NKAIN3: variants seen among roughly 807,000 people sequenced by gnomAD.
The protein encoded by NKAIN3 is sodium/potassium transporting ATPase interacting 3.
Under a neutral mutation model 30.2 loss-of-function variants are expected in NKAIN3, and 25 were observed. The ratio of observed to expected loss-of-function variants is 0.83; its 90% confidence interval spans 0.60 to 1.16. The LOEUF is 1.16. Ranked by LOEUF, NKAIN3 falls within the 50% of genes most tolerant of loss-of-function variation. The probability of loss-of-function intolerance (pLI) is 0.00; values close to 1 mark genes in which losing one functional copy is unlikely to be tolerated. For missense variants in NKAIN3, 225 were observed against 254.1 expected (o/e 0.89, Z 0.78); for synonymous variants, 91 against 89.6 (o/e 1.02, Z -0.09).
intron 4 of NKAIN3, among the ~76,000 whole-genome samples, chr8:62,881,440 T>C (rs1820978799): frequency 6.6e-6 from 1 of 152,172 alleles, no homozygotes; most frequent in South Asian, 2.1e-4. Context: ...GTTTCCTCCA[T>C]GTCTTTTTAC....
intron 1 of NKAIN3, among the ~76,000 whole-genome samples, chr8:62,392,457 A>C (rs1403428718): frequency 6.6e-6 from 1 of 151,986 alleles, no homozygotes; most frequent in African/African-American, 2.4e-5. Context: ...AAGTTGAAAT[A>C]TTGAAATTTT....
At chr8:62,578,033 C>T (rs879277085) in intron 1 of NKAIN3, among the ~76,000 whole-genome samples, 4 of 152,020 alleles carry the variant, frequency 2.6e-5, no homozygotes, top group African/African-American at 7.2e-5. Context: ...CCCAGGGAGC[C>T]ATTTTCATTT....
chr8:62,984,663 G>A lies in NKAIN3; in HGVS notation c.*19256G>A, dbSNP rs1016480929. 1 of 152,110 alleles carries A rather than the reference G, an allele frequency of 6.6e-6. No homozygotes were observed. The highest frequency in any genetic ancestry group is 2.4e-5 in the African/African-American group (1 of 41,422). The allele number at this position is 152,110 out of a possible 1,614,324, so 9.4% of individuals were successfully genotyped here. A position where few individuals can be genotyped will look rare whatever the true frequency, so the allele number is the denominator to read the frequency against. ...GTTGGTAGCCTGTGAAAAAATAAAT[G>A]TCTTTTTTCTTATACAAACTGATAA... On this transcript the variant is annotated 3_prime_UTR_variant, in exon 7 of 7. Transcript: ENST00000623646.
At chr8:62,339,029 C>T (rs1381820815) in intron 1 of NKAIN3, among the ~76,000 whole-genome samples, 2 of 151,988 alleles carry the variant, frequency 1.3e-5, no homozygotes, top group Non-Finnish European at 1.5e-5. Context: ...CAGAGAGAGG[C>T]TCTCTGCTCT....
chr8:62,722,481 G>A (rs1181264279), intron 3 of NKAIN3, among the ~76,000 whole-genome samples: 2 of 152,128 alleles, frequency 1.3e-5, no homozygotes, highest in Non-Finnish European at 2.9e-5. Context: ...TCATGATTTA[G>A]ATAAGTCCTT....
chr8:62,925,440 G>A (rs748899579), intron 5 of NKAIN3, among the ~76,000 whole-genome samples: 1 of 152,112 alleles, frequency 6.6e-6, no homozygotes, highest in African/African-American at 2.4e-5. Flanking sequence ...CAATTTTCCA[G>A]AGCAAAAGCA....
At position 62,904,984 on chromosome 8, in the gene NKAIN3, G is replaced by A. The variant is rs550922429; in HGVS notation, c.472-13469G>A. Among the ~76,000 whole-genome samples the A allele has an allele frequency of 2.6e-5, 4 of 152,252 alleles. No homozygotes were observed. In the East Asian group the frequency reaches 7.7e-4, roughly 29 times the overall value. Reference sequence around the variant, plus strand: ...ACACGATCTTTGCATCAGGTCTCTCGGAGGGTAGTTCCTGCCTTCCAGGAC... The same window carrying A: ...ACACGATCTTTGCATCAGGTCTCTCAGAGGGTAGTTCCTGCCTTCCAGGAC... On this transcript the variant is annotated intron_variant, in intron 4 of 6. Coordinates refer to ENST00000623646, the MANE Select transcript of NKAIN3 (RefSeq NM_001304533.3).
intron 4 of NKAIN3, among the ~76,000 whole-genome samples, chr8:62,906,102 C>T (rs1240637930): frequency 2.6e-5 from 4 of 152,142 alleles, no homozygotes; most frequent in Non-Finnish European, 4.4e-5. Context: ...TGCGAGCATC[C>T]ATCAAGGCCC....
intron 1 of NKAIN3, among the ~76,000 whole-genome samples, chr8:62,339,031 C>G (rs903341270): frequency 1.3e-5 from 2 of 151,982 alleles, no homozygotes; most frequent in African/African-American, 4.8e-5. Context: ...GAGAGAGGCT[C>G]TCTGCTCTGA....
chr8:62,556,503 C>A (rs1809394966), intron 1 of NKAIN3, among the ~76,000 whole-genome samples: 1 of 151,394 alleles, frequency 6.6e-6, no homozygotes, highest in Non-Finnish European at 1.5e-5. Flanking sequence ...TGTAATTATA[C>A]AAAAGAGTTG....
intron 4 of NKAIN3, among the ~76,000 whole-genome samples, chr8:62,851,850 C>T (rs565286103): frequency 7.3e-4 from 111 of 152,222 alleles, no homozygotes; most frequent in African/African-American, 2.1e-3. Flanking sequence ...CTGCTGGATT[C>T]GGTTTGCCAG....
intron 1 of NKAIN3, among the ~76,000 whole-genome samples, chr8:62,411,350 C>A (rs1369313429): frequency 4.6e-5 from 7 of 152,158 alleles, no homozygotes; most frequent in Admixed American, 4.6e-4. Flanking sequence ...AATCCAACAT[C>A]CCTTCATGAT....
chr8:62,822,282 A>G (rs1198801189), intron 4 of NKAIN3, among the ~76,000 whole-genome samples: 1 of 152,220 alleles, frequency 6.6e-6, no homozygotes, highest in Non-Finnish European at 1.5e-5. Flanking sequence ...AGTAAAAGGC[A>G]GCAAAAGGAA....
chr8:62,849,537 G>A (rs1819808673), intron 4 of NKAIN3, among the ~76,000 whole-genome samples: 1 of 151,488 alleles, frequency 6.6e-6, no homozygotes, highest in South Asian at 2.1e-4. Flanking sequence ...CCATGTTGGT[G>A]TGCTGCACCC....
chr8:62,408,022 T>C (rs1804128277), intron 1 of NKAIN3, among the ~76,000 whole-genome samples: 1 of 152,200 alleles, frequency 6.6e-6, no homozygotes, highest in South Asian at 2.1e-4. Context: ...CAGTGAGACC[T>C]TGTCTCTAAA....
intron 4 of NKAIN3, among the ~76,000 whole-genome samples, chr8:62,864,424 T>C (rs1820358565): frequency 6.6e-6 from 1 of 152,172 alleles, no homozygotes; most frequent in African/African-American, 2.4e-5. Context: ...TGGCCCATTC[T>C]TACTGGAGCA....
At chr8:62,903,880 G>A (rs1033891630) in intron 4 of NKAIN3, among the ~76,000 whole-genome samples, 4 of 152,020 alleles carry the variant, frequency 2.6e-5, no homozygotes, top group Non-Finnish European at 4.4e-5. Context: ...GATCTCACGG[G>A]AACTCACTCA....
rs1824152702 is a variant in NKAIN3 at position 62,984,262 on chromosome 8, T to C, written c.*18855T>C. ...GCCATCTTATGGAAAATATTGGAAG[T>C]ACCTAGGGCATTTCATTATATTTCA... On this transcript the variant is annotated 3_prime_UTR_variant, in exon 7 of 7. Transcript: ENST00000623646. 1 of 152,208 alleles carries C rather than the reference T, an allele frequency of 6.6e-6. No homozygotes were observed. Among genetic ancestry groups the C allele is most frequent in the South Asian group, 2.1e-4 (1 of 4,832 alleles). The allele number at this position is 152,208 out of a possible 1,614,324, so 9.4% of individuals were successfully genotyped here. A position where few individuals can be genotyped will look rare whatever the true frequency, so the allele number is the denominator to read the frequency against.
intron 3 of NKAIN3, among the ~76,000 whole-genome samples, chr8:62,692,359 C>G (rs376742851): frequency 1.3e-5 from 2 of 152,194 alleles, no homozygotes; most frequent in South Asian, 2.1e-4. Context: ...AAATATGCAT[C>G]CAGGTATAAG....
Sources: gnomAD v4.1 joint callset for allele counts (sites outside exome capture counted in the v4.1 genomes callset) on GRCh38, gnomAD v4.1.1 for gene constraint, MANE v1.5 for transcripts, NCBI Gene and HGNC (gene_info 2026-07-23, HGNC 2026-07-21) for gene names.